PTPN9: variants seen among roughly 807,000 people sequenced by gnomAD.
The protein encoded by PTPN9 is tyrosine-protein phosphatase non-receptor type 9.
Under a neutral mutation model 69.8 loss-of-function variants are expected in PTPN9, and 26 were observed. That is an observed-to-expected ratio of 0.37 (90% confidence interval 0.27 to 0.52). The LOEUF is 0.52. PTPN9 is among the 20% of genes least tolerant of loss of function. The pLI is 0.91. For synonymous variants in PTPN9, 274 were observed against 272.5 expected (o/e 1.01, Z -0.05); for missense variants, 549 against 740.3 (o/e 0.74, Z 3.00).
chr15:75,517,516 CTT>C (rs1352074699), intron 4 of PTPN9, 152 bp from the exon 5 acceptor site: 11 of 594,884 alleles, frequency 1.8e-5, no homozygotes, highest in Non-Finnish European at 2.9e-5. Context: ...AAAAAGATCT[CTT>C]ATCTTTGGTA....
At chr15:75,517,235 TGA>T (rs781565459) in intron 5 of PTPN9, 22 bp downstream of exon 5, 42 of 1,544,712 alleles carry the variant, frequency 2.7e-5, no homozygotes, top group Non-Finnish European at 3.5e-5. Context: ...GAAGGAAACT[TGA>T]GAGGGCCCTC....
At chr15:75,488,023 G>A (rs749006758) in intron 8 of PTPN9, among the ~76,000 whole-genome samples, 16 of 152,196 alleles carry the variant, frequency 1.1e-4, no homozygotes, top group Non-Finnish European at 1.6e-4. Flanking sequence ...GCTCATGCCT[G>A]TAATCCCAGC....
chr15:75,541,728 A>G (rs564705684), intron 1 of PTPN9, among the ~76,000 whole-genome samples: 2 of 151,136 alleles, frequency 1.3e-5, no homozygotes, highest in South Asian at 4.2e-4. Flanking sequence ...TGTTTTTGAG[A>G]CGGAGTCTTA....
chr15:75,471,971 C>G (rs973112050), intron 10 of PTPN9, among the ~76,000 whole-genome samples: 4 of 152,000 alleles, frequency 2.6e-5, no homozygotes, highest in African/African-American at 9.7e-5. Flanking sequence ...ATCTACCTTG[C>G]CACCCTCCAG....
intron 1 of PTPN9, among the ~76,000 whole-genome samples, chr15:75,536,089 G>A (rs368277264): frequency 7.2e-5 from 11 of 152,120 alleles, no homozygotes; most frequent in South Asian, 2.1e-4. Flanking sequence ...TGATTTTATC[G>A]TATTATAAAA....
intron 1 of PTPN9, among the ~76,000 whole-genome samples, chr15:75,552,537 T>A (rs1461623875): frequency 1.3e-5 from 2 of 152,106 alleles, no homozygotes; most frequent in Non-Finnish European, 2.9e-5. Context: ...TACTCAATGC[T>A]TTATTATAAA....
In PTPN9 at chr15:75,527,713, G is replaced by A. The variant is rs542106534; in HGVS notation, c.64-452C>T. Reference sequence around the variant, plus strand: ...CTCTACTAAAAATACAAAACTAGCCGGATGTGGTGGCGCACGCCTGTAATG... The same window carrying A: ...CTCTACTAAAAATACAAAACTAGCCAGATGTGGTGGCGCACGCCTGTAATG... On this transcript the variant is annotated intron_variant, in intron 1 of 12. Transcript: ENST00000618819. Among the ~76,000 whole-genome samples, 263 of 152,112 alleles carry A rather than the reference G, an allele frequency of 1.7e-3. 1 individual carries two copies. Among genetic ancestry groups the A allele is most frequent in the Non-Finnish European group, 3.1e-3 (210 of 67,978 alleles).
At chr15:75,483,201 C>T (rs138639185) in intron 8 of PTPN9, among the ~76,000 whole-genome samples, 110 of 152,306 alleles carry the variant, frequency 7.2e-4, no homozygotes, top group Non-Finnish European at 1.4e-3. Context: ...TAAACAGTTA[C>T]CATATGACCC....
intron 10 of PTPN9, among the ~76,000 whole-genome samples, chr15:75,473,000 A>T (rs77614787): frequency 6.6e-6 from 1 of 152,176 alleles, no homozygotes; most frequent in East Asian, 1.9e-4. Context: ...GGAATCTGGT[A>T]ATTCAGGAGT....
chr15:75,548,300 G>C (rs2075042783), intron 1 of PTPN9, among the ~76,000 whole-genome samples: 1 of 150,612 alleles, frequency 6.6e-6, no homozygotes, highest in East Asian at 2.0e-4. Flanking sequence ...TTGTCACCCA[G>C]GCTAGAGTGC....
chr15:75,483,336 G>A (rs1224014914), intron 8 of PTPN9, among the ~76,000 whole-genome samples: 1 of 152,178 alleles, frequency 6.6e-6, no homozygotes. Context: ...ACTGATAAAT[G>A]AATAAAAGTG....
intron 7 of PTPN9, among the ~76,000 whole-genome samples, chr15:75,504,161 G>A (rs1465618684): frequency 1.3e-4 from 16 of 125,524 alleles, no homozygotes; most frequent in African/African-American, 3.7e-4. Context: ...CAGCCGCCCC[G>A]TCCGGGAGGG....
intron 7 of PTPN9, 133 bp from the exon 8 acceptor site, chr15:75,490,434 C>A: frequency 1.6e-6 from 1 of 644,338 alleles, no homozygotes; most frequent in Non-Finnish European, 2.8e-6. Flanking sequence ...AATTTCTAGC[C>A]CATACAGTTC....
intron 5 of PTPN9, among the ~76,000 whole-genome samples, chr15:75,510,446 C>T (rs565417594): frequency 4.2e-4 from 64 of 152,128 alleles, no homozygotes; most frequent in African/African-American, 4.1e-4. Context: ...CCATGTTGGC[C>T]GGCTGGTTTC....
intron 7 of PTPN9, among the ~76,000 whole-genome samples, chr15:75,504,336 T>G (rs1595955411): frequency 1.1e-5 from 1 of 95,236 alleles, no homozygotes; most frequent in Admixed American, 1.1e-4. Context: ...TACTGGGAAG[T>G]GAGGAGCCCC....
chr15:75,545,852 G>A (rs183458851), intron 1 of PTPN9, among the ~76,000 whole-genome samples: 1 of 152,318 alleles, frequency 6.6e-6, no homozygotes, highest in Non-Finnish European at 1.5e-5. Flanking sequence ...GGGAAGCTGA[G>A]GCACGAGAAT....
intron 1 of PTPN9, among the ~76,000 whole-genome samples, chr15:75,530,370 T>TA (rs1188216019): frequency 7.8e-6 from 1 of 128,042 alleles, no homozygotes; most frequent in African/African-American, 3.0e-5. Flanking sequence ...CCTGTCTCTA[T>TA]AATAGATATA....
chr15:75,537,777 G>A (rs543174188), intron 1 of PTPN9, among the ~76,000 whole-genome samples: 19 of 58,356 alleles, frequency 3.3e-4, no homozygotes, highest in South Asian at 4.6e-4. Context: ...AAAAAAAAAA[G>A]GCCAGGCGTG....
intron 7 of PTPN9, among the ~76,000 whole-genome samples, chr15:75,504,950 C>T (rs2074809780): frequency 6.6e-6 from 1 of 152,138 alleles, no homozygotes. Flanking sequence ...ACCACCTCGT[C>T]TGGGAGGTGT....
Sources: allele counts gnomAD v4.1 joint callset (sites outside exome capture counted in the v4.1 genomes callset), GRCh38; gene constraint gnomAD v4.1.1; transcripts MANE v1.5; gene names NCBI Gene and HGNC (gene_info 2026-07-23, HGNC 2026-07-21).